Variants in PGAP1 observed in about 807,000 individuals in gnomAD.
PGAP1 encodes GPI inositol-deacylase.
In PGAP1, 76 loss-of-function variants were observed where a neutral mutation model predicts 127.0. The ratio of observed to expected loss-of-function variants is 0.60; its 90% CI spans 0.50 to 0.72. The LOEUF is 0.72. Ranked by LOEUF, PGAP1 falls within the 30% of genes least tolerant of loss-of-function variation. PGAP1 has a pLI of 0.00. For synonymous variants in PGAP1, 362 were observed against 366.5 expected (o/e 0.99, Z 0.14); for missense variants, 982 against 1,071.3 (o/e 0.92, Z 1.16).
At chr2:196,925,805 G>C (rs1216510467) in intron 1 of PGAP1, among the ~76,000 whole-genome samples, 3 of 152,036 alleles carry the variant, frequency 2.0e-5, no homozygotes, top group African/African-American at 7.2e-5. Flanking sequence ...GCCCACACAC[G>C]CACGGCCCCT....
chr2:196,892,947 C>T (rs1702150067), intron 8 of PGAP1, among the ~76,000 whole-genome samples, 193 bp downstream of exon 8: 2 of 152,002 alleles, frequency 1.3e-5, no homozygotes, highest in Admixed American at 1.3e-4. Context: ...TTACATGTTG[C>T]TTCTTTTTCC....
chr2:196,836,535 AC>A lies in PGAP1; in HGVS notation c.*4698del, dbSNP rs1224061808. The A allele has an allele frequency of 1.3e-5, 2 of 152,138 alleles. No individual in the cohort carries two copies. The highest frequency in any genetic ancestry group is 3.8e-4 in the East Asian group (2 of 5,200). The allele number at this position is 152,138 out of a possible 1,614,324, so 9.4% of individuals were successfully genotyped here. A position where few individuals can be genotyped will look rare whatever the true frequency, so the allele number is the denominator to read the frequency against. On this transcript the variant is annotated 3_prime_UTR_variant, in exon 27 of 27. Transcript: ENST00000354764. ...ATACATATTTGGATTTGGATTACTG[AC>A]CTGACTTTTCTTTCCTATTATTCTT... is the stretch of plus-strand genomic sequence containing the variant.
At chr2:196,893,061 T>G in intron 8 of PGAP1, 79 bp downstream of exon 8, 1 of 726,798 alleles carries the variant, frequency 1.4e-6, no homozygotes. Flanking sequence ...TTCAAAGATT[T>G]TGTCTGCTAT....
At chr2:196,883,826 T>G (rs1397963372) in intron 12 of PGAP1, among the ~76,000 whole-genome samples, 1 of 152,212 alleles carries the variant, frequency 6.6e-6, no homozygotes, top group Non-Finnish European at 1.5e-5. Flanking sequence ...TAATACATAT[T>G]ACATTCAATT....
At chr2:196,850,577 G>A (rs1700689330) in intron 20 of PGAP1, among the ~76,000 whole-genome samples, 1 of 152,094 alleles carries the variant, frequency 6.6e-6, no homozygotes, top group Admixed American at 6.5e-5. Flanking sequence ...ATAAATTTAA[G>A]AAATCATCTG....
Position 196,912,973 on chromosome 2 carries a change from C to G in PGAP1, c.558G>C (p.Leu186=), listed in dbSNP as rs1172393880. ...GGLVARALLT[L]KNFKHDLINL... is the part of the protein sequence containing the mutation. Reference sequence around the variant, plus strand: ...TTATCAGATCATGCTTAAAATTTTTCAGTGTAAGCAATGCTCTTGCAACAA... The same window carrying G: ...TTATCAGATCATGCTTAAAATTTTTGAGTGTAAGCAATGCTCTTGCAACAA... The change falls in exon 4 of 27, where the codon CTG becomes CTC. Residue 186 remains leucine (L), a synonymous_variant. Transcript: ENST00000354764. The G allele has an allele frequency of 1.9e-6, 3 of 1,613,630 alleles. No homozygotes were observed. The highest frequency in any genetic ancestry group is 2.5e-6 in the Non-Finnish European group (3 of 1,179,872).
intron 20 of PGAP1, among the ~76,000 whole-genome samples, chr2:196,853,788 T>G (rs1340571273): frequency 1.3e-5 from 2 of 152,174 alleles, no homozygotes; most frequent in Non-Finnish European, 2.9e-5. Flanking sequence ...CAACTTTCTG[T>G]ATTGCTTTTG....
rs571074958 is a variant in PGAP1 at position 196,926,519 on chromosome 2, T to G, written c.98A>C (p.Glu33Ala). ...GTAGCTCATACTGCACTTATTCTCC[T>G]CGAAGCCGAAGAAGACATCCCACAG... ...LGLWDVFFGF[E>A]ENKCSMSYMF... Residue 33 changes from glutamate (E) to alanine (A), a missense_variant, in exon 1 of 27, where the codon GAG becomes GCG. Physicochemically the swap from Glu to Ala is moderately radical, Grantham distance 107 (BLOSUM62 -1). Coordinates refer to ENST00000354764, the MANE Select transcript of PGAP1 (RefSeq NM_024989.4). 1 of 1,614,082 alleles carries G rather than the reference T, an allele frequency of 6.2e-7. No homozygotes were observed. The highest frequency in any genetic ancestry group is 1.1e-5 in the South Asian group (1 of 91,078).
intron 13 of PGAP1, 60 bp downstream of exon 13, chr2:196,880,016 C>T: frequency 8.2e-7 from 1 of 1,216,808 alleles, no homozygotes. Context: ...TGAAAAAGAA[C>T]TGTAAAATTT....
rs1298875349 is a variant in PGAP1, at chr2:196,833,583, A to G, written c.*7651T>C. 1 of 152,186 alleles carries G rather than the reference A, an allele frequency of 6.6e-6. No individual in the cohort carries two copies. Among genetic ancestry groups the G allele is most frequent in the Admixed American group, 6.5e-5 (1 of 15,280 alleles). The allele number at this position is 152,186 out of a possible 1,614,324, so 9.4% of individuals were successfully genotyped here. On this transcript the variant is annotated 3_prime_UTR_variant, in exon 27 of 27. Coordinates refer to ENST00000354764, the MANE Select transcript of PGAP1 (RefSeq NM_024989.4). ...TTTATTTTATTACATACCCTTGCTC[A>G]AACTACCTTCATGTCAATAAGATCA...
chr2:196,896,381 C>T (rs1384522752), intron 7 of PGAP1, among the ~76,000 whole-genome samples: 1 of 152,074 alleles, frequency 6.6e-6, no homozygotes, highest in Non-Finnish European at 1.5e-5. Context: ...ACTCAGGAGG[C>T]TGAGGTGGGA....
intron 20 of PGAP1, among the ~76,000 whole-genome samples, chr2:196,850,644 G>T (rs1347492150): frequency 6.6e-6 from 1 of 151,634 alleles, no homozygotes; most frequent in East Asian, 1.9e-4. Context: ...GCTCTTGGAA[G>T]GAAGGAGGGA....
intron 22 of PGAP1, among the ~76,000 whole-genome samples, chr2:196,846,384 G>A (rs1178123506): frequency 6.6e-6 from 1 of 152,094 alleles, no homozygotes; most frequent in Non-Finnish European, 1.5e-5. Flanking sequence ...ACCCTTGATG[G>A]TGTTACTATC....
intron 12 of PGAP1, 28 bp from the exon 13 acceptor site, chr2:196,880,181 T>C (rs1184567744): frequency 7.5e-7 from 1 of 1,337,330 alleles, no homozygotes; most frequent in African/African-American, 1.5e-5. Context: ...GAAACTACTT[T>C]TATTTCTTAG....
In PGAP1 at chr2:196,841,329, C is replaced by T. The variant is rs1254508399; in HGVS notation, c.2674G>A (p.Val892Ile). ...GCTGACCCAAAAGCAATCACACCAA[C>T]AGCCAGAGGAAGTGGAAATTGTGAA... ...TTSQFPLPLAVGVIAFGSAHL... is the reference protein window; with the variant it reads ...TTSQFPLPLAIGVIAFGSAHL... The change falls in exon 27 of 27, where the codon GTT becomes ATT. Residue 892 changes from valine (V) to isoleucine (I), a missense_variant. Coordinates refer to ENST00000354764, the MANE Select transcript of PGAP1 (RefSeq NM_024989.4). 6.8e-6 allele frequency: 11 copies of T among 1,613,644 alleles called. No homozygotes were observed. Among genetic ancestry groups the T allele is most frequent in the East Asian group, 6.7e-5 (3 of 44,862 alleles).
At chr2:196,861,496 T>C (rs1701063255) in intron 20 of PGAP1, among the ~76,000 whole-genome samples, 1 of 152,140 alleles carries the variant, frequency 6.6e-6, no homozygotes, top group South Asian at 2.1e-4. Context: ...TACTCTAATT[T>C]TAAAAGTGGC....
At chr2:196,863,789 G>A (rs1194116570) in intron 20 of PGAP1, among the ~76,000 whole-genome samples, 1 of 152,100 alleles carries the variant, frequency 6.6e-6, no homozygotes, top group Non-Finnish European at 1.5e-5. Flanking sequence ...ATATTGGCCA[G>A]GGTGGTCTTG....
intron 13 of PGAP1, among the ~76,000 whole-genome samples, chr2:196,877,186 G>A (rs937966403): frequency 1.3e-5 from 2 of 151,926 alleles, no homozygotes; most frequent in Non-Finnish European, 1.5e-5. Flanking sequence ...AAACACCCAC[G>A]ATAAGTAAAT....
At chr2:196,858,771 G>T (rs2125787977) in intron 20 of PGAP1, among the ~76,000 whole-genome samples, 1 of 152,106 alleles carries the variant, frequency 6.6e-6, no homozygotes. Flanking sequence ...AAAATAAAAA[G>T]TTGCTTTTTT....
Sources: gnomAD v4.1 joint callset for allele counts (sites outside exome capture counted in the v4.1 genomes callset) on GRCh38, gnomAD v4.1.1 for gene constraint, MANE v1.5 for transcripts, NCBI Gene and HGNC (gene_info 2026-07-23, HGNC 2026-07-21) for gene names.